DIP2C: variants seen among roughly 807,000 people sequenced by gnomAD.
The protein encoded by DIP2C is disco-interacting protein 2 homolog C.
DIP2C carries 33 observed loss-of-function variants against 192.4 expected under a neutral mutation model. The ratio of observed to expected loss-of-function variants is 0.17; its 90% CI spans 0.13 to 0.23. The LOEUF (loss-of-function observed/expected upper bound fraction) is 0.23, where lower values mean the gene tolerates loss of function less well. Ranked by LOEUF, DIP2C falls within the 10% of genes least tolerant of loss-of-function variation. The pLI is 1.00. For synonymous variants in DIP2C, 979 were observed against 864.1 expected, an observed-to-expected ratio of 1.13 and a Z score of -2.33; for missense variants, 1,537 against 2,110.1, an observed-to-expected ratio of 0.73 and a Z score of 5.32.
intron 31 of DIP2C, among the ~76,000 whole-genome samples, chr10:314,620 C>G (rs905999283): frequency 6.6e-6 from 1 of 152,296 alleles, no homozygotes; most frequent in Non-Finnish European, 1.5e-5. Flanking sequence ...GGCATCAGGA[C>G]GAGGCTGGGT....
chr10:619,271 C>G lies in DIP2C; in HGVS notation c.85+70223G>C, dbSNP rs118146347. Reference sequence around the variant, plus strand: ...TTAAATCACCCCAAACTTAGTGCCCCAAACAACACGAACTTATTTTCTCAC... The same window carrying G: ...TTAAATCACCCCAAACTTAGTGCCCGAAACAACACGAACTTATTTTCTCAC... On this transcript the variant is annotated intron_variant, in intron 1 of 36. Transcript: ENST00000280886. Among the ~76,000 whole-genome samples the G allele has an allele frequency of 6.6e-5, 10 of 152,346 alleles. No individual in the cohort carries two copies. The East Asian group carries it at 1.9e-3, about 29-fold the overall frequency.
rs1001963697 is a variant in DIP2C, at chr10:345,069, A to G, written c.3273T>C (p.Cys1091=). The change falls in exon 27 of 37, where the codon TGT becomes TGC. Residue 1091 remains cysteine (C), a synonymous_variant. Transcript: ENST00000280886. ...SACLMTTQLI[C]KLLRSREAAA... ...CCGCCTCCCTGGACCGCAGCAACTT[A>G]CAGATCAGCTGTGTCGTCATCAGAC... 6.2e-7 allele frequency: 1 copy of G among 1,613,664 alleles called. No individual in the cohort carries two copies. The highest frequency in any genetic ancestry group is 1.7e-5 in the Admixed American group (1 of 59,982).
At chr10:638,632 A>G (rs956949297) in intron 1 of DIP2C, among the ~76,000 whole-genome samples, 2 of 152,206 alleles carry the variant, frequency 1.3e-5, no homozygotes, top group Non-Finnish European at 2.9e-5. Context: ...GAGTTTCAAG[A>G]AAAGGGCTGA....
chr10:441,584 G>T (rs1165210844), intron 3 of DIP2C, among the ~76,000 whole-genome samples: 1 of 152,158 alleles, frequency 6.6e-6, no homozygotes, highest in Non-Finnish European at 1.5e-5. Context: ...AGTTTCATGA[G>T]ATCTGATGGT....
At chr10:334,304 C>CAAAAAAAAAAAAAA (rs35031456) in intron 29 of DIP2C, among the ~76,000 whole-genome samples, 9 of 82,398 alleles carry the variant, frequency 1.1e-4, no homozygotes, top group African/African-American at 4.6e-4. Context: ...AAGACTGTCT[C>CAAAAAAAAAAAAAA]AAAAAAAAAA....
At chr10:620,795 G>T (rs1853805393) in intron 1 of DIP2C, among the ~76,000 whole-genome samples, 1 of 152,208 alleles carries the variant, frequency 6.6e-6, no homozygotes, top group African/African-American at 2.4e-5. Context: ...ACCCTGCTTT[G>T]TAAGCAAGTG....
At chr10:399,840 T>G (rs1461474877) in intron 9 of DIP2C, among the ~76,000 whole-genome samples, 1 of 152,208 alleles carries the variant, frequency 6.6e-6, no homozygotes, top group Non-Finnish European at 1.5e-5. Flanking sequence ...GGTGGCAGCA[T>G]CAGTCCCCTG....
chr10:539,247 C>T (rs957983505), intron 1 of DIP2C, among the ~76,000 whole-genome samples: 1 of 152,208 alleles, frequency 6.6e-6, no homozygotes, highest in African/African-American at 2.4e-5. Flanking sequence ...TATTTTGCTT[C>T]TAGAGTTTGT....
intron 17 of DIP2C, among the ~76,000 whole-genome samples, chr10:376,275 G>A (rs538073390): frequency 7.1e-6 from 1 of 140,276 alleles, no homozygotes; most frequent in Admixed American, 7.2e-5. Flanking sequence ...GCAGGGAGAA[G>A]GACCCAGGCC....
At chr10:347,421 T>C (rs1164649139) in intron 26 of DIP2C, among the ~76,000 whole-genome samples, 8 of 135,118 alleles carry the variant, frequency 5.9e-5, no homozygotes, top group South Asian at 2.5e-4. Flanking sequence ...TCGCGCATAG[T>C]TCTCCCGGAA....
chr10:549,031 G>C, intron 1 of DIP2C, among the ~76,000 whole-genome samples: 1 of 150,322 alleles, frequency 6.7e-6, no homozygotes, highest in East Asian at 2.0e-4. Flanking sequence ...GGGGGAAAAA[G>C]CCAAGTAGAT....
chr10:521,638 G>A (rs774978712), intron 1 of DIP2C, among the ~76,000 whole-genome samples: 3 of 152,194 alleles, frequency 2.0e-5, no homozygotes, highest in African/African-American at 4.8e-5. Flanking sequence ...TTTGTAGTGA[G>A]TTACTTAATG....
intron 1 of DIP2C, among the ~76,000 whole-genome samples, chr10:518,973 T>C (rs1846529834): frequency 6.6e-6 from 1 of 152,252 alleles, no homozygotes; most frequent in African/African-American, 2.4e-5. Context: ...ATGCCAGCTC[T>C]GCATCTGCAC....
intron 1 of DIP2C, among the ~76,000 whole-genome samples, chr10:520,184 G>A (rs1367836296): frequency 6.6e-6 from 1 of 152,174 alleles, no homozygotes; most frequent in Non-Finnish European, 1.5e-5. Flanking sequence ...CAAGGCGGCT[G>A]GGGTCGACAT....
At chr10:526,081 C>T (rs1847034839) in intron 1 of DIP2C, among the ~76,000 whole-genome samples, 1 of 152,194 alleles carries the variant, frequency 6.6e-6, no homozygotes, top group Middle Eastern at 3.2e-3. Context: ...CCATCGGTCC[C>T]AAGTTTACTG....
In DIP2C at chr10:344,996, A is replaced by G. The variant is rs1255299043; in HGVS notation, c.3343+3T>C. On this transcript the variant is annotated splice_donor_region_variant and intron_variant, in intron 27 of 36. Coordinates refer to ENST00000280886, the MANE Select transcript of DIP2C (RefSeq NM_014974.3). The stretch of plus-strand genomic sequence containing the variant: ...AACCACCTTCTGCAGCTAAAGCACC[A>G]ACCTGTGTCCAGGATGAGGGGCCAC... The G allele has an allele frequency of 6.2e-7, 1 of 1,611,854 alleles. No individual in the cohort carries two copies. The highest frequency in any genetic ancestry group is 8.5e-7 in the Non-Finnish European group (1 of 1,179,408).
intron 4 of DIP2C, among the ~76,000 whole-genome samples, chr10:424,155 G>A (rs1966407100): frequency 6.6e-6 from 1 of 152,126 alleles, no homozygotes; most frequent in African/African-American, 2.4e-5. Flanking sequence ...CAGGTGAGCA[G>A]CTCCAGCCAT....
intron 3 of DIP2C, among the ~76,000 whole-genome samples, chr10:459,509 C>T (rs1969578658): frequency 1.3e-5 from 2 of 152,250 alleles, no homozygotes; most frequent in Admixed American, 1.3e-4. Flanking sequence ...GCAGTAGCTC[C>T]ACCCACATCA....
intron 26 of DIP2C, among the ~76,000 whole-genome samples, chr10:347,272 T>TCGCG (rs1564593327): frequency 4.9e-5 from 5 of 102,134 alleles, no homozygotes; most frequent in Admixed American, 9.7e-5. Context: ...CCCAGACACA[T>TCGCG]CACGCATAGT....
Sources: allele counts gnomAD v4.1 joint callset (sites outside exome capture counted in the v4.1 genomes callset), GRCh38; gene constraint gnomAD v4.1.1; transcripts MANE v1.5; gene names NCBI Gene and HGNC (gene_info 2026-07-23, HGNC 2026-07-21).